IYD: variants seen among roughly 807,000 people sequenced by gnomAD.
The protein encoded by IYD is iodotyrosine deiodinase.
In IYD, 25 loss-of-function variants were observed where a neutral mutation model predicts 28.4. The observed-to-expected ratio is 0.88, with a 90% confidence interval of 0.64 to 1.23. IYD has a LOEUF of 1.23. Ranked by LOEUF, IYD falls within the 50% of genes most tolerant of loss-of-function variation. IYD has a pLI of 0.00. For missense variants in IYD, 352 were observed against 357.9 expected (o/e 0.98, Z 0.13); for synonymous variants, 140 against 130.8 (o/e 1.07, Z -0.48).
chr6:150,391,439 A>C (rs1003132574), intron 2 of IYD, among the ~76,000 whole-genome samples: 1 of 152,172 alleles, frequency 6.6e-6, no homozygotes, highest in Non-Finnish European at 1.5e-5. Context: ...AGATTACTAA[A>C]ACAAATGACA....
At position 150,394,085 on chromosome 6, in the gene IYD, T is replaced by C. The variant is rs760753019; in HGVS notation, c.531-14T>C. On this transcript the variant is annotated splice_polypyrimidine_tract_variant and intron_variant, in intron 3 of 4. Coordinates refer to ENST00000344419, the MANE Select transcript of IYD (RefSeq NM_203395.3). ...ATGGGCAAATATTATCCTGAATCTC[T>C]TTTCTCTTCACAGAACCAACTGGAT... 6.2e-7 allele frequency: 1 copy of C among 1,613,500 alleles called. No homozygotes were observed. Among genetic ancestry groups the C allele is most frequent in the African/African-American group, 1.3e-5 (1 of 74,918 alleles).
rs974452653 is a variant in IYD, at chr6:150,373,071, G to T, written c.178+3862G>T. Among the ~76,000 whole-genome samples, 5 of 152,178 alleles carry T rather than the reference G, an allele frequency of 3.3e-5. No individual in the cohort carries two copies. The East Asian group carries it at 9.6e-4, about 29-fold the overall frequency. On this transcript the variant is annotated intron_variant, in intron 1 of 4. Transcript: ENST00000344419. ...CTCATCAAGATGAATCTGTTTTAGT[G>T]TTAGTGGGGGATTCTTCTGCACTTA...
chr6:150,383,231 C>G (rs561536501), intron 1 of IYD, among the ~76,000 whole-genome samples: 19 of 152,208 alleles, frequency 1.2e-4, no homozygotes, highest in African/African-American at 3.9e-4. Context: ...TATTTAAAAT[C>G]CCCCCTTACT....
intron 1 of IYD, among the ~76,000 whole-genome samples, chr6:150,379,528 C>A (rs1027081927): frequency 6.6e-6 from 1 of 152,150 alleles, no homozygotes; most frequent in Non-Finnish European, 1.5e-5. Flanking sequence ...ATTAATTGTC[C>A]TCATAGGAGT....
intron 1 of IYD, among the ~76,000 whole-genome samples, chr6:150,376,838 T>A (rs1401016777): frequency 6.6e-6 from 1 of 152,036 alleles, no homozygotes; most frequent in Admixed American, 6.6e-5. Context: ...CCCAGGCTGG[T>A]CTCGAACTCC....
At position 150,378,956 on chromosome 6, in the gene IYD, C is replaced by T. The variant is rs1364712005; in HGVS notation, c.178+9747C>T. Among the ~76,000 whole-genome samples the T allele has an allele frequency of 2.0e-5, 3 of 152,338 alleles. No homozygotes were observed. In the East Asian group the frequency reaches 5.8e-4, roughly 29 times the overall value. Reference sequence around the variant, plus strand: ...CACTCTTCCTTTCATTCCTCCTGGTCATGCTCATCGCTTCCAGAGGGCTCC... The same window carrying T: ...CACTCTTCCTTTCATTCCTCCTGGTTATGCTCATCGCTTCCAGAGGGCTCC... On this transcript the variant is annotated intron_variant, in intron 1 of 4. Transcript: ENST00000344419.
Position 150,401,211 on chromosome 6 carries a change from A to C in IYD, c.*2974A>C, listed in dbSNP as rs1778500507. 1.3e-5 allele frequency: 2 copies of C among 152,218 alleles called. No individual in the cohort carries two copies. The highest frequency in any genetic ancestry group is 1.3e-4 in the Admixed American group (2 of 15,280). The allele number at this position is 152,218 out of a possible 1,614,324, so 9.4% of individuals were successfully genotyped here. A position where few individuals can be genotyped will look rare whatever the true frequency, so the allele number is the denominator to read the frequency against. On this transcript the variant is annotated 3_prime_UTR_variant, in exon 5 of 5. Transcript: ENST00000344419. ...CAGTCATATAAGTAATTTGCCTAAA[A>C]ATGCCCTCTAAGTCCATCATTAGGT...
chr6:150,389,337 T>C lies in IYD; in HGVS notation c.179-15T>C. The C allele has an allele frequency of 6.2e-7, 1 of 1,607,276 alleles. No individual in the cohort carries two copies. The highest frequency in any genetic ancestry group is 8.5e-7 in the Non-Finnish European group (1 of 1,173,900). On this transcript the variant is annotated splice_polypyrimidine_tract_variant and intron_variant, in intron 1 of 4. Transcript: ENST00000344419. The stretch of plus-strand genomic sequence containing the variant: ...GGATCATTTAGTTTGTTACCTTTCT[T>C]ATTCTTATTTGCAGATGCTGATGAA...
At chr6:150,384,579 C>T (rs957476930) in intron 1 of IYD, 11 of 152,114 alleles carry the variant, frequency 7.2e-5, no homozygotes, top group African/African-American at 2.7e-4. Context: ...TTTTTGCCAT[C>T]CAAACATTTT....
At chr6:150,369,619 C>T (rs972455459) in intron 1 of IYD, among the ~76,000 whole-genome samples, 2 of 152,178 alleles carry the variant, frequency 1.3e-5, no homozygotes, top group Admixed American at 1.3e-4. Flanking sequence ...CTGTGCCAGG[C>T]CCTGGAAGTG....
chr6:150,375,085 T>A (rs1010916079), intron 1 of IYD, among the ~76,000 whole-genome samples: 2 of 152,184 alleles, frequency 1.3e-5, no homozygotes, highest in African/African-American at 4.8e-5. Flanking sequence ...ACTAATGAAA[T>A]AATCCATCTA....
intron 1 of IYD, among the ~76,000 whole-genome samples, chr6:150,377,744 G>A (rs1037621968): frequency 2.0e-5 from 3 of 152,232 alleles, no homozygotes; most frequent in African/African-American, 7.2e-5. Flanking sequence ...AGTTAAGGAA[G>A]CATTTAATGC....
intron 1 of IYD, among the ~76,000 whole-genome samples, chr6:150,376,685 G>T (rs1355030790): frequency 6.6e-6 from 1 of 152,014 alleles, no homozygotes; most frequent in Non-Finnish European, 1.5e-5. Flanking sequence ...GAGTGCAGTG[G>T]CATGATCATA....
rs770954040 is a variant in IYD at position 150,394,174 on chromosome 6, C to T, written c.606C>T (p.Ala202=). ...TTTTCAAACAAGTACATGGTTTCGC[C>T]GCAAATGGCAAGAAAAAAGTCCACT... is the stretch of plus-strand genomic sequence containing the variant. ...ILIFKQVHGF[A]ANGKKKVHYY... is the part of the protein sequence containing the mutation. Residue 202 remains alanine, a synonymous_variant, in exon 4 of 5, where the codon GCC becomes GCT. Transcript: ENST00000344419. 13 of 1,614,112 alleles carry T rather than the reference C, an allele frequency of 8.1e-6. No homozygotes were observed. The highest frequency in any genetic ancestry group is 6.7e-5 in the East Asian group (3 of 44,882).
rs1778565144 is a variant in IYD at position 150,403,468 on chromosome 6, G to C, written c.*5231G>C. On this transcript the variant is annotated 3_prime_UTR_variant, in exon 5 of 5. Transcript: ENST00000344419. Reference sequence around the variant, plus strand: ...ACGTTGCGTTTATCTACCTTTTAGAGAGGGTGAATAGCAGAGAACTGGAGG... The same window carrying C: ...ACGTTGCGTTTATCTACCTTTTAGACAGGGTGAATAGCAGAGAACTGGAGG... The C allele has an allele frequency of 6.6e-6, 1 of 152,244 alleles. No individual in the cohort carries two copies. The highest frequency in any genetic ancestry group is 1.5e-5 in the Non-Finnish European group (1 of 68,070). 9.4% of individuals were successfully genotyped at this position (152,244 alleles called of 1,614,324 possible).
Position 150,401,557 on chromosome 6 carries a change from C to G in IYD, c.*3320C>G, listed in dbSNP as rs528267938. 3.9e-5 allele frequency: 6 copies of G among 152,450 alleles called. No homozygotes were observed. Among genetic ancestry groups the G allele is most frequent in the Admixed American group, 3.3e-4 (5 of 15,300 alleles). 9.4% of individuals were successfully genotyped at this position (152,450 alleles called of 1,614,324 possible). On this transcript the variant is annotated 3_prime_UTR_variant, in exon 5 of 5. Coordinates refer to ENST00000344419, the MANE Select transcript of IYD (RefSeq NM_203395.3). ...TCACGATCAGGGCAAATCAGCACAG[C>G]CCCCCAGCCATCAGTGGTGTCTAGA...
At chr6:150,377,692 G>T (rs1777500125) in intron 1 of IYD, among the ~76,000 whole-genome samples, 2 of 152,214 alleles carry the variant, frequency 1.3e-5, no homozygotes, top group South Asian at 4.1e-4. Context: ...GTTTTTACAA[G>T]TGCTGAATGG....
chr6:150,382,200 C>A (rs1777670267), intron 1 of IYD, among the ~76,000 whole-genome samples: 1 of 152,158 alleles, frequency 6.6e-6, no homozygotes, highest in South Asian at 2.1e-4. Context: ...AAAGGTCCAG[C>A]CATTATGGCC....
In IYD at chr6:150,404,752, A is replaced by G. The variant is rs1356111290; in HGVS notation, c.*6515A>G. On this transcript the variant is annotated 3_prime_UTR_variant, in exon 5 of 5. Coordinates refer to ENST00000344419, the MANE Select transcript of IYD (RefSeq NM_203395.3). ...ACTAGTTTTATAAATAGGATAATAA[A>G]ATGTGTGTATGAGGTCAGAATGCTT... The G allele has an allele frequency of 6.6e-6, 1 of 152,226 alleles. No homozygotes were observed. Among genetic ancestry groups the G allele is most frequent in the African/African-American group, 2.4e-5 (1 of 41,468 alleles). The allele number at this position is 152,226 out of a possible 1,614,324, so 9.4% of individuals were successfully genotyped here.
Sources: gnomAD v4.1 joint callset for allele counts (sites outside exome capture counted in the v4.1 genomes callset) on GRCh38, gnomAD v4.1.1 for gene constraint, MANE v1.5 for transcripts, NCBI Gene and HGNC (gene_info 2026-07-23, HGNC 2026-07-21) for gene names.